The following TANGO2 variants were observed in gnomAD, a reference collection of about 807,000 sequenced individuals.
The protein encoded by TANGO2 is transport and golgi organization 2 homolog.
TANGO2 carries 26 observed loss-of-function variants against 39.1 expected under a neutral mutation model. That is an observed-to-expected ratio of 0.67 (90% CI 0.49 to 0.92). TANGO2 has a LOEUF of 0.92. Among genes scored for constraint, TANGO2 ranks in the 40% least tolerant of loss-of-function variants. TANGO2 has a pLI of 0.00. For missense variants in TANGO2, 326 were observed against 360.1 expected, an observed-to-expected ratio of 0.91 and a Z score of 0.77; for synonymous variants, 131 against 144.5, an observed-to-expected ratio of 0.91 and a Z score of 0.67.
intron 1 of TANGO2, among the ~76,000 whole-genome samples, chr22:20,031,552 G>A (rs2041873873): frequency 6.6e-6 from 1 of 152,206 alleles, no homozygotes; most frequent in Non-Finnish European, 1.5e-5. Flanking sequence ...TTGTCAGCCT[G>A]GGCTACATAT....
intron 3 of TANGO2, among the ~76,000 whole-genome samples, chr22:20,043,983 C>T (rs891631078): frequency 6.6e-6 from 1 of 152,216 alleles, no homozygotes; most frequent in South Asian, 2.1e-4. Flanking sequence ...GGGTGAGAAC[C>T]AGGTCCTCCC....
chr22:20,039,214 G>T (rs1464175148), intron 2 of TANGO2, among the ~76,000 whole-genome samples: 1 of 150,986 alleles, frequency 6.6e-6, no homozygotes, highest in East Asian at 2.0e-4. Context: ...GATTACATGC[G>T]TGAGCCACCA....
chr22:20,045,247 G>A (rs1478586553), intron 3 of TANGO2, among the ~76,000 whole-genome samples: 2 of 148,594 alleles, frequency 1.3e-5, no homozygotes, highest in Non-Finnish European at 3.0e-5. Context: ...ACCGGCCTGG[G>A]CAACGTAGTG....
chr22:20,025,322 A>C (rs2040525022), intron 1 of TANGO2, among the ~76,000 whole-genome samples: 2 of 151,612 alleles, frequency 1.3e-5, no homozygotes, highest in African/African-American at 4.9e-5. Flanking sequence ...TGAACTCCTG[A>C]CCTCAGGTGA....
intron 1 of TANGO2, among the ~76,000 whole-genome samples, chr22:20,035,455 G>A (rs554452893): frequency 6.6e-6 from 1 of 152,356 alleles, no homozygotes; most frequent in South Asian, 2.1e-4. Flanking sequence ...TTGCACATGT[G>A]CACATTTCAG....
At chr22:20,040,555 T>G (rs923330603) in intron 2 of TANGO2, among the ~76,000 whole-genome samples, 1 of 152,122 alleles carries the variant, frequency 6.6e-6, no homozygotes, top group South Asian at 2.1e-4. Context: ...ACCCCACCCA[T>G]AGGGTGGAGG....
chr22:20,023,229 C>T (rs567133142), intron 1 of TANGO2, among the ~76,000 whole-genome samples: 1 of 152,320 alleles, frequency 6.6e-6, no homozygotes, highest in East Asian at 1.9e-4. Context: ...ATCTTCAGTG[C>T]CATGCTAACT....
At position 20,063,341 on chromosome 22, in the gene TANGO2, GCT is replaced by G. The variant is rs1568924850; in HGVS notation, c.610_611del (p.Leu204AlafsTer50). 3 of 1,613,048 alleles carry G rather than the reference GCT, an allele frequency of 1.9e-6. No homozygotes were observed. The South Asian group carries it at 3.3e-5, about 18-fold the overall frequency. On this transcript the variant is annotated frameshift_variant, in exon 8 of 9. Coordinates refer to ENST00000327374, the MANE Select transcript of TANGO2 (RefSeq NM_152906.7). LOFTEE classifies it high-confidence loss of function. ...ACCACTTCTCTCCATCCTGCAGGCA[GCT>G]GCCAGACCCGGCCATCGAGGACCAG... ...LDVLNNEEAQ[L>X]PDPAIEDQGG... is the part of the protein sequence containing the mutation.
chr22:20,051,358 T>A (rs1602220631), intron 3 of TANGO2, among the ~76,000 whole-genome samples: 1 of 150,990 alleles, frequency 6.6e-6, no homozygotes, highest in Non-Finnish European at 1.5e-5. Context: ...ATGGAGAAAC[T>A]CCGTTTCTAC....
At chr22:20,064,147 GC>G (rs1007967677) in intron 8 of TANGO2, among the ~76,000 whole-genome samples, 1 of 152,220 alleles carries the variant, frequency 6.6e-6, no homozygotes, top group Non-Finnish European at 1.5e-5. Flanking sequence ...GGAGGCCTGG[GC>G]CCCAAGTGGT....
chr22:20,040,943 C>T (rs560045267), intron 2 of TANGO2, among the ~76,000 whole-genome samples: 2 of 152,302 alleles, frequency 1.3e-5, no homozygotes, highest in South Asian at 4.1e-4. Flanking sequence ...GGTGTCAGAC[C>T]AGGCTGAATG....
intron 3 of TANGO2, among the ~76,000 whole-genome samples, chr22:20,044,271 C>T (rs920911658): frequency 1.3e-5 from 2 of 152,158 alleles, no homozygotes; most frequent in Non-Finnish European, 2.9e-5. Context: ...AGGTGTGAAC[C>T]CAACACTTAA....
At position 20,023,180 on chromosome 22, in the gene TANGO2, CT is replaced by C. The variant is rs1263915753; in HGVS notation, c.-40+1935del. Among the ~76,000 whole-genome samples, 3 of 152,242 alleles carry C rather than the reference CT, an allele frequency of 2.0e-5. No homozygotes were observed. The East Asian group carries it at 5.8e-4, about 29-fold the overall frequency. On this transcript the variant is annotated intron_variant, in intron 1 of 8. Transcript: ENST00000327374. Reference sequence around the variant, plus strand: ...CCTCCTTCTCCCAGCGGCTGCTCCCCTGGTGCACTTGCTGACATTTGGGGGT... The same window carrying C: ...CCTCCTTCTCCCAGCGGCTGCTCCCCGGTGCACTTGCTGACATTTGGGGGT...
chr22:20,060,524 C>T (rs1367038393), intron 6 of TANGO2, among the ~76,000 whole-genome samples: 1 of 152,038 alleles, frequency 6.6e-6, no homozygotes, highest in East Asian at 1.9e-4. Context: ...CCCAGCCTCC[C>T]GATGTGCTGG....
chr22:20,018,253 G>T (rs1036112188), upstream of TANGO2, among the ~76,000 whole-genome samples: 1 of 152,228 alleles, frequency 6.6e-6, no homozygotes, highest in African/African-American at 2.4e-5. Flanking sequence ...TGGCCTCCTG[G>T]CATAGGGTTG....
chr22:20,036,932 TGTGTGCAG>T, intron 2 of TANGO2, 78 bp downstream of exon 2: 1 of 1,614,060 alleles, frequency 6.2e-7, no homozygotes, highest in Non-Finnish European at 8.5e-7. Flanking sequence ...CCCAAGCTGC[TGTGTGCAG>T]GAAGGTGTGT....
At chr22:20,045,905 C>T (rs985350735) in intron 3 of TANGO2, among the ~76,000 whole-genome samples, 1 of 151,860 alleles carries the variant, frequency 6.6e-6, no homozygotes, top group African/African-American at 2.4e-5. Flanking sequence ...CACACCTCTG[C>T]GATGCTCTCT....
intron 5 of TANGO2, chr22:20,054,903 AT>A: frequency 6.6e-6 from 1 of 152,316 alleles, no homozygotes; most frequent in Non-Finnish European, 1.5e-5. Flanking sequence ...CCCAGAGGAG[AT>A]TTTTGCCTGC....
intron 1 of TANGO2, among the ~76,000 whole-genome samples, chr22:20,025,914 A>G (rs371212767): frequency 1.1e-4 from 17 of 152,326 alleles, no homozygotes; most frequent in East Asian, 1.9e-4. Context: ...TAGGGTGACT[A>G]CTGCAGCATC....
Sources: gnomAD v4.1 joint callset for allele counts (sites outside exome capture counted in the v4.1 genomes callset) on GRCh38, gnomAD v4.1.1 for gene constraint, MANE v1.5 for transcripts, NCBI Gene and HGNC (gene_info 2026-07-23, HGNC 2026-07-21) for gene names.